Variants in TAFA1 observed in about 807,000 individuals in gnomAD.
TAFA1 encodes TAFA chemokine like family member 1.
In TAFA1, 4 loss-of-function variants were observed where a neutral mutation model predicts 18.5. That is an observed-to-expected ratio of 0.22 (90% CI 0.11 to 0.49). The LOEUF is 0.49. TAFA1 is among the 20% of genes least tolerant of loss of function. The pLI is 0.98. For missense variants in TAFA1, 147 were observed against 169.0 expected (o/e 0.87, Z 0.72); for synonymous variants, 56 against 55.2 (o/e 1.01, Z -0.06).
At chr3:68,241,957 T>C (rs1321868119) in intron 2 of TAFA1, among the ~76,000 whole-genome samples, 1 of 152,206 alleles carries the variant, frequency 6.6e-6, no homozygotes, top group East Asian at 1.9e-4. Flanking sequence ...CATAAAAATT[T>C]AATTCCAGAG....
intron 2 of TAFA1, among the ~76,000 whole-genome samples, chr3:68,109,401 A>T (rs1052437211): frequency 6.6e-6 from 1 of 152,156 alleles, no homozygotes; most frequent in Non-Finnish European, 1.5e-5. Flanking sequence ...TTAATCAATT[A>T]TGCCATTTTC....
intron 2 of TAFA1, among the ~76,000 whole-genome samples, chr3:68,327,530 C>A (rs2068796768): frequency 6.6e-6 from 1 of 152,086 alleles, no homozygotes; most frequent in South Asian, 2.1e-4. Flanking sequence ...TGAAACTGGT[C>A]AAAATATGAA....
At chr3:67,993,301 G>A in the TAFA1 span, among the ~76,000 whole-genome samples, 1 of 152,200 alleles carries the variant, frequency 6.6e-6, no homozygotes, top group African/African-American at 2.4e-5. Context: ...AGCAAACGAA[G>A]GAGACTCTTA....
At chr3:68,023,837 AT>A (rs1001144434) in intron 2 of TAFA1, among the ~76,000 whole-genome samples, 1 of 152,134 alleles carries the variant, frequency 6.6e-6, no homozygotes, top group Non-Finnish European at 1.5e-5. Flanking sequence ...CCAGCTCCTC[AT>A]TTAAGTAAAA....
chr3:68,172,823 C>G (rs571498366), intron 2 of TAFA1, among the ~76,000 whole-genome samples: 19 of 152,112 alleles, frequency 1.2e-4, no homozygotes, highest in Admixed American at 3.9e-4. Flanking sequence ...ATGGGTAAAT[C>G]TGTAGAGACA....
At chr3:68,507,598 T>C (rs542176040) in intron 3 of TAFA1, among the ~76,000 whole-genome samples, 54 of 152,058 alleles carry the variant, frequency 3.6e-4, no homozygotes, top group Non-Finnish European at 6.6e-4. Context: ...GCTCACAAGA[T>C]TTTTAGGCTC....
intron 2 of TAFA1, among the ~76,000 whole-genome samples, chr3:68,336,006 TAAGA>T (rs150074249): frequency 0.11 from 17,114 of 152,160 alleles, 1,420 homozygotes; most frequent in East Asian, 0.37. Context: ...GGCAGGTTAT[TAAGA>T]AAGAGGCGAG....
intron 2 of TAFA1, among the ~76,000 whole-genome samples, chr3:68,121,321 C>A (rs2065396361): frequency 6.6e-6 from 1 of 150,678 alleles, no homozygotes; most frequent in Non-Finnish European, 1.5e-5. Flanking sequence ...ACCAGAGCTC[C>A]TATGAGTTAA....
chr3:68,024,787 C>T (rs538162159), intron 2 of TAFA1, among the ~76,000 whole-genome samples: 2 of 141,662 alleles, frequency 1.4e-5, no homozygotes, highest in East Asian at 4.2e-4. Flanking sequence ...AAAGGACTCT[C>T]TAGACCATCT....
chr3:68,109,606 T>G (rs1206574597), intron 2 of TAFA1, among the ~76,000 whole-genome samples: 1 of 152,136 alleles, frequency 6.6e-6, no homozygotes, highest in Non-Finnish European at 1.5e-5. Flanking sequence ...AGAGGTAATA[T>G]TCCAGGAGAA....
chr3:68,362,707 C>T (rs2069491322), intron 2 of TAFA1, among the ~76,000 whole-genome samples: 1 of 152,030 alleles, frequency 6.6e-6, no homozygotes, highest in South Asian at 2.1e-4. Context: ...GGCTACGTAA[C>T]AGCAAGCTGT....
intron 2 of TAFA1, among the ~76,000 whole-genome samples, chr3:68,169,623 T>C (rs960948281): frequency 1.3e-5 from 2 of 152,248 alleles, no homozygotes; most frequent in African/African-American, 4.8e-5. Context: ...TAGAATTCTA[T>C]GGCTAAAGGC....
chr3:68,317,735 G>A (rs2068629225), intron 2 of TAFA1, among the ~76,000 whole-genome samples: 1 of 152,104 alleles, frequency 6.6e-6, no homozygotes, highest in Non-Finnish European at 1.5e-5. Flanking sequence ...AAAAGTAGGG[G>A]GGAAAGTACA....
chr3:68,414,291 G>A (rs1023414557), intron 2 of TAFA1, among the ~76,000 whole-genome samples: 14 of 152,088 alleles, frequency 9.2e-5, no homozygotes, highest in Admixed American at 2.6e-4. Context: ...TAGGCAACAG[G>A]AGCGAAACGC....
chr3:68,157,641 T>G (rs1412061886), intron 2 of TAFA1, among the ~76,000 whole-genome samples: 1 of 152,206 alleles, frequency 6.6e-6, no homozygotes, highest in Non-Finnish European at 1.5e-5. Context: ...ATGTGGTCTC[T>G]TTAGTCATTT....
chr3:68,242,758 CTG>C (rs2067016100), intron 2 of TAFA1, among the ~76,000 whole-genome samples: 1 of 151,948 alleles, frequency 6.6e-6, no homozygotes, highest in African/African-American at 2.4e-5. Context: ...CATAGCATAT[CTG>C]TGTGTGTGTT....
intron 2 of TAFA1, among the ~76,000 whole-genome samples, chr3:68,361,283 T>TA (rs748028164): frequency 6.6e-6 from 1 of 151,876 alleles, no homozygotes; most frequent in Non-Finnish European, 1.5e-5. Context: ...AGGTAGGAGC[T>TA]AAAAAAATTG....
chr3:68,272,552 C>G (rs889652827), intron 2 of TAFA1, among the ~76,000 whole-genome samples: 1 of 152,052 alleles, frequency 6.6e-6, no homozygotes, highest in Admixed American at 6.6e-5. Context: ...TTAGGGAAAA[C>G]AGCACTTTTA....
chr3:68,028,996 A>T (rs1291296306), intron 2 of TAFA1, among the ~76,000 whole-genome samples: 2 of 151,960 alleles, frequency 1.3e-5, no homozygotes, highest in African/African-American at 4.8e-5. Flanking sequence ...GAAGCTATCC[A>T]CTTACCTTGG....
Sources: gnomAD v4.1 joint callset for allele counts (sites outside exome capture counted in the v4.1 genomes callset) on GRCh38, gnomAD v4.1.1 for gene constraint, MANE v1.5 for transcripts, NCBI Gene and HGNC (gene_info 2026-07-23, HGNC 2026-07-21) for gene names.